The following GRHL2 variants were observed in gnomAD, a reference collection of about 807,000 sequenced individuals.
GRHL2 encodes grainyhead-like protein 2 homolog.
In GRHL2, 21 loss-of-function variants were observed where a neutral mutation model predicts 83.8. The ratio of observed to expected loss-of-function variants is 0.25; its 90% CI spans 0.18 to 0.36. The LOEUF (loss-of-function observed/expected upper bound fraction) is 0.36, where lower values mean the gene tolerates loss of function less well. GRHL2 is among the 10% of genes least tolerant of loss of function. GRHL2 has a pLI of 1.00. For missense variants in GRHL2, 623 were observed against 781.8 expected, an observed-to-expected ratio of 0.80 and a Z score of 2.42; for synonymous variants, 280 against 278.9, an observed-to-expected ratio of 1.00 and a Z score of -0.04.
intron 1 of GRHL2, among the ~76,000 whole-genome samples, chr8:101,523,935 C>T (rs998400349): frequency 6.6e-6 from 1 of 152,246 alleles, no homozygotes; most frequent in East Asian, 1.9e-4. Flanking sequence ...ATTGGTTTAA[C>T]GCAGTTGCTA....
intron 2 of GRHL2, among the ~76,000 whole-genome samples, chr8:101,547,123 G>A (rs566455580): frequency 2.0e-5 from 3 of 152,118 alleles, no homozygotes; most frequent in Non-Finnish European, 2.9e-5. Flanking sequence ...CAGTTGCCTG[G>A]GTGTTCACAG....
chr8:101,527,270 T>A (rs1261985163), intron 1 of GRHL2, among the ~76,000 whole-genome samples: 1 of 152,258 alleles, frequency 6.6e-6, no homozygotes, highest in African/African-American at 2.4e-5. Context: ...AAGCATAAAC[T>A]TATCTTTTCT....
intron 8 of GRHL2, among the ~76,000 whole-genome samples, chr8:101,603,648 A>G (rs898162493): frequency 6.6e-6 from 1 of 152,212 alleles, no homozygotes; most frequent in African/African-American, 2.4e-5. Flanking sequence ...TGGCAGAACT[A>G]TTGCAGAGTT....
rs1440788579 is a variant in GRHL2, at chr8:101,601,183, CA to C, written c.1098+2033del. On this transcript the variant is annotated intron_variant, in intron 8 of 15. Coordinates refer to ENST00000646743, the MANE Select transcript of GRHL2 (RefSeq NM_024915.4). ...AAACACACACACACACACACACACA[CA>C]CACACCCCACCACCACCACCACCAC... is the stretch of plus-strand genomic sequence containing the variant. 8.5e-4 allele frequency among the ~76,000 whole-genome samples: 128 copies of C among 151,246 alleles called. 1 individual carries two copies. Among genetic ancestry groups the C allele is most frequent in the Middle Eastern group, 3.4e-3 (1 of 294 alleles).
intron 3 of GRHL2, among the ~76,000 whole-genome samples, chr8:101,555,485 T>G (rs773754589): frequency 1.8e-4 from 27 of 152,188 alleles, no homozygotes; most frequent in South Asian, 2.1e-4. Context: ...GACTCTTTTT[T>G]TGTGTGTATG....
intron 8 of GRHL2, among the ~76,000 whole-genome samples, chr8:101,607,909 C>A (rs1812663529): frequency 6.6e-6 from 1 of 152,148 alleles, no homozygotes; most frequent in African/African-American, 2.4e-5. Flanking sequence ...AGGCATCTCA[C>A]CAAAGGTATC....
intron 1 of GRHL2, among the ~76,000 whole-genome samples, chr8:101,496,588 G>A (rs1810111190): frequency 6.6e-6 from 1 of 152,122 alleles, no homozygotes; most frequent in Non-Finnish European, 1.5e-5. Context: ...TGGGGGAAAA[G>A]GGGCAGGCTT....
rs1409089702 is a variant in GRHL2, at chr8:101,495,218, GGCCT to G, written c.20+2435_20+2438del. Among the ~76,000 whole-genome samples the G allele has an allele frequency of 9.2e-5, 14 of 152,294 alleles. No homozygotes were observed. The South Asian group carries it at 2.7e-3, about 29-fold the overall frequency. On this transcript the variant is annotated intron_variant, in intron 1 of 15. Coordinates refer to ENST00000646743, the MANE Select transcript of GRHL2 (RefSeq NM_024915.4). ...GCCTCATGGAAAATCCACCTTACGA[GGCCT>G]GCCTGTAGTTTCTGGAAATAACATG...
chr8:101,509,088 C>CCTTT lies in GRHL2; in HGVS notation c.20+16314_20+16317dup, dbSNP rs146135095. 5.8e-3 allele frequency among the ~76,000 whole-genome samples: 816 copies of CCTTT among 141,456 alleles called. 16 individuals are homozygous for CCTTT. The highest frequency in any genetic ancestry group is 0.025 in the Middle Eastern group (7 of 278). 92.8% of individuals were successfully genotyped at this position (141,456 alleles called of 152,430 possible). A position where few individuals can be genotyped will look rare whatever the true frequency, so the allele number is the denominator to read the frequency against. On this transcript the variant is annotated intron_variant, in intron 1 of 15. Coordinates refer to ENST00000646743, the MANE Select transcript of GRHL2 (RefSeq NM_024915.4). ...CATCCCTTCCCTGTTTGTTTGTTTT[C>CCTTT]CTTTCTTTCTTTCTTTCTCTCCTTC...
intron 1 of GRHL2, among the ~76,000 whole-genome samples, chr8:101,516,280 CAAA>C (rs1810570359): frequency 6.6e-6 from 1 of 152,066 alleles, no homozygotes; most frequent in South Asian, 2.1e-4. Context: ...TAATTTTTAT[CAAA>C]GAAGTATATT....
Position 101,628,979 on chromosome 8 carries a change from T to C in GRHL2, c.1258-2658T>C, listed in dbSNP as rs553968423. ...CTACTGGTGAAGAGGCTGTGAACATTGTTGGAATGACAAAAAAGAATTTAG... is the reference window on the plus strand; with the variant it reads ...CTACTGGTGAAGAGGCTGTGAACATCGTTGGAATGACAAAAAAGAATTTAG... On this transcript the variant is annotated intron_variant, in intron 9 of 15. Coordinates refer to ENST00000646743, the MANE Select transcript of GRHL2 (RefSeq NM_024915.4). 2.0e-5 allele frequency among the ~76,000 whole-genome samples: 3 copies of C among 152,268 alleles called. No individual in the cohort carries two copies. In the East Asian group the frequency reaches 5.8e-4, roughly 29 times the overall value.
chr8:101,495,185 C>T (rs1029586353), intron 1 of GRHL2, among the ~76,000 whole-genome samples: 18 of 152,208 alleles, frequency 1.2e-4, no homozygotes, highest in African/African-American at 4.1e-4. Flanking sequence ...AAGTGAGAGG[C>T]TTCATCAGCC....
At chr8:101,580,485 C>T (rs1812027377) in intron 7 of GRHL2, among the ~76,000 whole-genome samples, 1 of 151,912 alleles carries the variant, frequency 6.6e-6, no homozygotes, top group Non-Finnish European at 1.5e-5. Flanking sequence ...GCCAGGGTGA[C>T]CTCAAGTGAT....
At chr8:101,519,613 G>T in intron 1 of GRHL2, among the ~76,000 whole-genome samples, 1 of 140,778 alleles carries the variant, frequency 7.1e-6, no homozygotes, top group South Asian at 2.3e-4. Flanking sequence ...ACAATTGTCT[G>T]GAATTTATTT....
intron 8 of GRHL2, among the ~76,000 whole-genome samples, chr8:101,608,673 CT>C (rs1203063829): frequency 1.3e-5 from 2 of 151,934 alleles, no homozygotes; most frequent in Non-Finnish European, 1.5e-5. Context: ...ACCACTTACC[CT>C]TTACCTAGAT....
At chr8:101,613,591 C>T (rs573002502) in intron 8 of GRHL2, among the ~76,000 whole-genome samples, 4 of 151,046 alleles carry the variant, frequency 2.6e-5, no homozygotes, top group Non-Finnish European at 4.4e-5. Context: ...GTCTATCTTC[C>T]GTCTCAATTT....
chr8:101,620,180 A>G (rs536313351), intron 9 of GRHL2, among the ~76,000 whole-genome samples: 1 of 152,290 alleles, frequency 6.6e-6, no homozygotes, highest in East Asian at 1.9e-4. Context: ...TAAGGACACA[A>G]ATTCTATCAT....
chr8:101,509,065 T>C (rs973896266), intron 1 of GRHL2, among the ~76,000 whole-genome samples: 2 of 151,674 alleles, frequency 1.3e-5, no homozygotes, highest in African/African-American at 4.9e-5. Flanking sequence ...CAGGCTTTCA[T>C]CCCTTCCCTG....
intron 1 of GRHL2, among the ~76,000 whole-genome samples, chr8:101,534,272 C>A (rs986210354): frequency 2.0e-5 from 3 of 152,080 alleles, no homozygotes; most frequent in Non-Finnish European, 4.4e-5. Context: ...CATCTGGGTT[C>A]ATAATTGATT....
Sources: gnomAD v4.1 joint callset for allele counts (sites outside exome capture counted in the v4.1 genomes callset) on GRCh38, gnomAD v4.1.1 for gene constraint, MANE v1.5 for transcripts, NCBI Gene and HGNC (gene_info 2026-07-23, HGNC 2026-07-21) for gene names.